The following LRRFIP1 variants were observed in gnomAD, a reference collection of about 807,000 sequenced individuals.
LRRFIP1 encodes the protein LRR binding FLII interacting protein 1.
A neutral mutation model predicts 104.4 loss-of-function variants in LRRFIP1; 62 were observed. The ratio of observed to expected loss-of-function variants is 0.59; its 90% confidence interval spans 0.48 to 0.73. The LOEUF (loss-of-function observed/expected upper bound fraction) is 0.73, where lower values mean the gene tolerates loss of function less well. Among genes scored for constraint, LRRFIP1 ranks in the 30% least tolerant of loss-of-function variants. The pLI is 0.00. For missense variants in LRRFIP1, 796 were observed against 824.5 expected, an observed-to-expected ratio of 0.97 and a Z score of 0.42; for synonymous variants, 300 against 299.0, an observed-to-expected ratio of 1.00 and a Z score of -0.03.
chr2:237,628,856 C>T (rs1218904868), intron 1 of LRRFIP1, among the ~76,000 whole-genome samples: 2 of 152,174 alleles, frequency 1.3e-5, no homozygotes, highest in Non-Finnish European at 2.9e-5. Context: ...GGCAGTCACT[C>T]AGTATTTGTT....
intron 1 of LRRFIP1, among the ~76,000 whole-genome samples, chr2:237,638,421 C>T (rs1193734818): frequency 6.6e-6 from 1 of 152,218 alleles, no homozygotes; most frequent in Non-Finnish European, 1.5e-5. Flanking sequence ...GCTTCGCTCA[C>T]TCACCCGCCT....
rs749442537 is a variant in LRRFIP1, at chr2:237,719,551, C to T, written c.278C>T (p.Ser93Phe). ...GACAGTGAGCGCTACTCTCGTAGAT[C>T]CAGAAGAAACACATCGGTTAGTACC... is the stretch of plus-strand genomic sequence containing the variant. ...MEDSERYSRRSRRNTSASDED... is the reference protein window; with the variant it reads ...MEDSERYSRRFRRNTSASDED... The change falls in exon 5 of 24, where the codon TCC becomes TTC. Residue 93 changes from serine to phenylalanine, a missense_variant. By Grantham distance (155) the Ser-to-Phe change is radical (BLOSUM62 -2). Transcript: ENST00000308482. The T allele has an allele frequency of 3.1e-6, 5 of 1,613,258 alleles. No homozygotes were observed. Among genetic ancestry groups the T allele is most frequent in the Admixed American group, 3.3e-5 (2 of 59,934 alleles).
intron 16 of LRRFIP1, 89 bp from the exon 17 acceptor site, chr2:237,757,367 C>T: frequency 1.3e-6 from 1 of 786,074 alleles, no homozygotes; most frequent in Non-Finnish European, 2.1e-6. Context: ...CGGCCTCACT[C>T]ACTGTCCCAG....
chr2:237,694,494 C>T (rs2149797677), intron 1 of LRRFIP1, among the ~76,000 whole-genome samples: 1 of 152,268 alleles, frequency 6.6e-6, no homozygotes, highest in East Asian at 1.9e-4. Flanking sequence ...GGGCGTCACC[C>T]AGCGGCTGCC....
chr2:237,681,194 A>G (rs2091772252), intron 1 of LRRFIP1, among the ~76,000 whole-genome samples: 1 of 152,314 alleles, frequency 6.6e-6, no homozygotes, highest in Non-Finnish European at 1.5e-5. Flanking sequence ...TCCTGAATAA[A>G]GTCCAAGTTC....
intron 10 of LRRFIP1, among the ~76,000 whole-genome samples, chr2:237,736,897 C>CGTTCCTTATG (rs2095266439): frequency 1.3e-5 from 2 of 152,198 alleles, no homozygotes; most frequent in African/African-American, 4.8e-5. Flanking sequence ...GTGGATACTC[C>CGTTCCTTATG]GTTCCTTATG....
chr2:237,697,124 C>T (rs889413587), intron 1 of LRRFIP1, among the ~76,000 whole-genome samples: 11 of 152,276 alleles, frequency 7.2e-5, no homozygotes, highest in African/African-American at 9.6e-5. Context: ...CAGGTGCAAC[C>T]GATTCTCCTG....
intron 1 of LRRFIP1, among the ~76,000 whole-genome samples, chr2:237,706,579 A>G (rs536351787): frequency 2.9e-4 from 44 of 152,162 alleles, no homozygotes; most frequent in Non-Finnish European, 4.9e-4. Context: ...CGTCACTCTA[A>G]TGCCTTTCCT....
intron 1 of LRRFIP1, among the ~76,000 whole-genome samples, chr2:237,650,034 TC>T (rs1191332345): frequency 6.6e-6 from 1 of 151,894 alleles, no homozygotes; most frequent in Non-Finnish European, 1.5e-5. Context: ...CAAACCGAAG[TC>T]CCCACGCTCT....
At position 237,661,288 on chromosome 2, in the gene LRRFIP1, T is replaced by G. The variant is rs1194640168; in HGVS notation, c.96+33548T>G. Among the ~76,000 whole-genome samples, 1 of 152,174 alleles carries G rather than the reference T, an allele frequency of 6.6e-6. No individual in the cohort carries two copies. The highest frequency in any genetic ancestry group is 2.4e-5 in the African/African-American group (1 of 41,430). ...CTTGGCTTCCCCTGGCTGCTGCTAA[T>G]TCTGGAGGACACAGTGGGGTGGGCC... On this transcript the variant is annotated intron_variant, in intron 1 of 23. Transcript: ENST00000308482. This position sits in a 1 kb window ranked among gnomAD's most constrained non-coding sequence, Gnocchi z 4.4.
rs186123173 is a variant in LRRFIP1, at chr2:237,655,489, T to C, written c.96+27749T>C. On this transcript the variant is annotated intron_variant, in intron 1 of 23. Transcript: ENST00000308482. Reference sequence around the variant, plus strand: ...TGTAATTTTTCTAAGAAATGGAATTTACAGTGCCAATATAGATGACTCTCA... The same window carrying C: ...TGTAATTTTTCTAAGAAATGGAATTCACAGTGCCAATATAGATGACTCTCA... 3.9e-4 allele frequency among the ~76,000 whole-genome samples: 60 copies of C among 152,276 alleles called. No individual in the cohort carries two copies. The East Asian group carries it at 0.011, about 28-fold the overall frequency.
At chr2:237,748,919 T>C (rs2058228740) in intron 12 of LRRFIP1, among the ~76,000 whole-genome samples, 1 of 152,086 alleles carries the variant, frequency 6.6e-6, no homozygotes, top group Admixed American at 6.5e-5. Context: ...CTCAGGAAAC[T>C]TACAATCATG....
intron 1 of LRRFIP1, among the ~76,000 whole-genome samples, chr2:237,705,965 G>A (rs2093783215): frequency 1.3e-5 from 2 of 152,276 alleles, no homozygotes; most frequent in Admixed American, 1.3e-4. Flanking sequence ...GGGCTTGCCT[G>A]ATTAGGGCAG....
intron 11 of LRRFIP1, 98 bp from the exon 12 acceptor site, chr2:237,748,266 T>G: frequency 1.1e-6 from 1 of 902,942 alleles, no homozygotes; most frequent in Non-Finnish European, 1.8e-6. Flanking sequence ...AGGAAGCAAA[T>G]GTTTTGTTTT....
chr2:237,750,659 A>G (rs1004516096), intron 13 of LRRFIP1, among the ~76,000 whole-genome samples: 22 of 152,112 alleles, frequency 1.4e-4, no homozygotes, highest in African/African-American at 5.1e-4. Context: ...TCTACAGCAG[A>G]GCAGCAGAGT....
At chr2:237,645,113 G>C (rs2084657936) in intron 1 of LRRFIP1, among the ~76,000 whole-genome samples, 2 of 152,230 alleles carry the variant, frequency 1.3e-5, no homozygotes, top group Admixed American at 1.3e-4. Context: ...CCTGGCAGGA[G>C]GAGGATCAAA....
chr2:237,755,607 A>G (rs1359657082), intron 15 of LRRFIP1, among the ~76,000 whole-genome samples: 1 of 152,210 alleles, frequency 6.6e-6, no homozygotes, highest in Non-Finnish European at 1.5e-5. Flanking sequence ...GGCATCATCT[A>G]TAAAGTCCAG....
At chr2:237,775,942 T>C (rs900209822) in intron 23 of LRRFIP1, among the ~76,000 whole-genome samples, 1 of 152,028 alleles carries the variant, frequency 6.6e-6, no homozygotes, top group African/African-American at 2.4e-5. Context: ...ATTTTATTTA[T>C]TTATTTATTT....
intron 20 of LRRFIP1, chr2:237,770,879 T>C (rs1451380328): frequency 6.6e-6 from 1 of 152,238 alleles, no homozygotes; most frequent in African/African-American, 2.4e-5. Flanking sequence ...CACTTTCCTC[T>C]AATTTCTCCT....
Sources: gnomAD v4.1 joint callset for allele counts (sites outside exome capture counted in the v4.1 genomes callset) on GRCh38, gnomAD v4.1.1 for gene constraint, Gnocchi (gnomAD v3.1) non-coding constraint, MANE v1.5 for transcripts, NCBI Gene and HGNC (gene_info 2026-07-23, HGNC 2026-07-21) for gene names.